ERBB4: variants seen among roughly 807,000 people sequenced by gnomAD.
The protein encoded by ERBB4 is receptor tyrosine-protein kinase erbB-4.
A neutral mutation model predicts 158.0 loss-of-function variants in ERBB4; 42 were observed. The observed-to-expected ratio is 0.27, with a 90% confidence interval of 0.21 to 0.34. ERBB4 has a LOEUF of 0.34. Ranked by LOEUF, ERBB4 falls within the 10% of genes least tolerant of loss-of-function variation. ERBB4 has a pLI of 1.00. For missense variants in ERBB4, 1,333 were observed against 1,624.1 expected, an observed-to-expected ratio of 0.82 and a Z score of 3.08; for synonymous variants, 583 against 558.7, an observed-to-expected ratio of 1.04 and a Z score of -0.61.
intron 20 of ERBB4, among the ~76,000 whole-genome samples, chr2:211,519,917 T>A (rs376506475): frequency 6.6e-6 from 1 of 152,156 alleles, no homozygotes; most frequent in African/African-American, 2.4e-5. Context: ...CTTGCATGTA[T>A]CTCTGAGTTT....
Position 211,702,128 on chromosome 2 carries a change from G to A in ERBB4, c.1328C>T (p.Thr443Ile), listed in dbSNP as rs1418847829. 9.9e-6 allele frequency: 16 copies of A among 1,614,068 alleles called. No individual in the cohort carries two copies. The highest frequency in any genetic ancestry group is 1.4e-5 in the Non-Finnish European group (16 of 1,180,006). ...SLLILKQQGITSLQFQSLKEI... is the reference protein window; with the variant it reads ...SLLILKQQGIISLQFQSLKEI... ...CTTCAGGGACTGGAACTGTAGAGAG[G>A]TGATGCCCTGTTGCTTGAGGATAAG... Residue 443 changes from threonine (T) to isoleucine (I), a missense_variant, in exon 12 of 28, where the codon ACC (threonine) becomes ATC (isoleucine). Thr to Ile is a moderately conservative substitution (Grantham distance 89). Around this residue, in one of 5 missense-constraint regions of ERBB4, gnomAD observed 438 missense variants for 586.9 expected, o/e 0.75. Transcript: ENST00000342788.
chr2:212,536,301 C>A (rs1040599930), intron 1 of ERBB4, among the ~76,000 whole-genome samples: 1 of 150,896 alleles, frequency 6.6e-6, no homozygotes, highest in Admixed American at 6.6e-5. Context: ...CTGCCAGGTG[C>A]GGCAGGGTGG....
intron 2 of ERBB4, among the ~76,000 whole-genome samples, chr2:211,998,079 C>G (rs534294823): frequency 1.3e-5 from 2 of 151,648 alleles, no homozygotes; most frequent in Non-Finnish European, 2.9e-5. Context: ...ATATACCTAA[C>G]GTTAAATGAT....
chr2:212,015,444 A>G (rs2076507350), intron 2 of ERBB4, among the ~76,000 whole-genome samples: 1 of 152,084 alleles, frequency 6.6e-6, no homozygotes, highest in Admixed American at 6.6e-5. Flanking sequence ...AAAGTCTTAG[A>G]CAATGAGGTG....
At chr2:211,412,421 GC>G (rs1194158834) in intron 25 of ERBB4, among the ~76,000 whole-genome samples, 1 of 152,190 alleles carries the variant, frequency 6.6e-6, no homozygotes, top group African/African-American at 2.4e-5. Flanking sequence ...TAGATAATCA[GC>G]CTCCACAAAG....
chr2:211,580,768 GGGTA>G (rs1429660294), intron 19 of ERBB4, among the ~76,000 whole-genome samples: 2 of 126,266 alleles, frequency 1.6e-5, no homozygotes, highest in African/African-American at 6.3e-5. Context: ...ATCAATCAAC[GGGTA>G]GATAAAGAAA....
intron 2 of ERBB4, among the ~76,000 whole-genome samples, chr2:212,066,873 T>C (rs1323638153): frequency 6.6e-6 from 1 of 151,958 alleles, no homozygotes; most frequent in Non-Finnish European, 1.5e-5. Context: ...GTTCATTCCA[T>C]TGGAATGAAT....
intron 1 of ERBB4, among the ~76,000 whole-genome samples, chr2:212,524,958 G>A (rs76966573): frequency 2.6e-5 from 4 of 152,128 alleles, no homozygotes; most frequent in East Asian, 1.9e-4. Context: ...ATTGTGCCAC[G>A]TATTAACTCT....
intron 2 of ERBB4, among the ~76,000 whole-genome samples, chr2:212,008,976 T>C (rs1037221116): frequency 3.3e-5 from 5 of 152,144 alleles, no homozygotes; most frequent in Admixed American, 6.5e-5. Flanking sequence ...ATATTGACCA[T>C]GGCCCTTTTT....
In ERBB4 at chr2:211,788,137, A is replaced by G. The variant is rs774902483; in HGVS notation, c.444T>C (p.Tyr148=). The G allele has an allele frequency of 3.7e-6, 6 of 1,612,690 alleles. No homozygotes were observed. In the East Asian group the frequency reaches 1.3e-4, roughly 36 times the overall value. Residue 148 remains tyrosine (Y), a synonymous_variant, in exon 4 of 28, where the codon TAT becomes TAC. Coordinates refer to ENST00000342788, the MANE Select transcript of ERBB4 (RefSeq NM_005235.3). ...NLTEILNGGV[Y]VDQNKFLCYA... ...AACAAAGGAATTTGTTCTGGTCTACATAGACTCCACCATTTAGGATTTCTG... is the reference window on the plus strand; with the variant it reads ...AACAAAGGAATTTGTTCTGGTCTACGTAGACTCCACCATTTAGGATTTCTG...
intron 3 of ERBB4, among the ~76,000 whole-genome samples, chr2:211,864,301 C>G (rs1221685584): frequency 6.6e-6 from 1 of 152,142 alleles, no homozygotes; most frequent in African/African-American, 2.4e-5. Context: ...GAGCCCATCC[C>G]TTGTCTTTTG....
At chr2:212,142,794 C>G (rs2080529685) in intron 1 of ERBB4, among the ~76,000 whole-genome samples, 1 of 151,794 alleles carries the variant, frequency 6.6e-6, no homozygotes, top group Non-Finnish European at 1.5e-5. Flanking sequence ...AAACTGTCCA[C>G]CTTTATGGAA....
intron 3 of ERBB4, among the ~76,000 whole-genome samples, chr2:211,876,947 C>T (rs1031511865): frequency 1.3e-5 from 2 of 152,038 alleles, no homozygotes; most frequent in African/African-American, 4.8e-5. Context: ...TTCATTGTTC[C>T]CGTTCAAATA....
At chr2:211,499,435 A>G (rs1355158505) in intron 20 of ERBB4, among the ~76,000 whole-genome samples, 3 of 152,026 alleles carry the variant, frequency 2.0e-5, no homozygotes, top group Non-Finnish European at 4.4e-5. Flanking sequence ...AGGCAGGGGA[A>G]TTGTTTGAAC....
chr2:211,418,399 C>T (rs1965121), intron 25 of ERBB4, among the ~76,000 whole-genome samples: 152,287 of 152,290 alleles, frequency 1, 76,142 homozygotes, highest in Non-Finnish European at 1. Flanking sequence ...TAAAATGATA[C>T]AATGATATTT....
chr2:211,478,134 A>G (rs1380132929), intron 20 of ERBB4, among the ~76,000 whole-genome samples: 1 of 152,186 alleles, frequency 6.6e-6, no homozygotes, highest in African/African-American at 2.4e-5. Context: ...CATTAATGGG[A>G]TCACTAAAAC....
intron 1 of ERBB4, among the ~76,000 whole-genome samples, chr2:212,125,443 G>A (rs1195306074): frequency 1.3e-5 from 2 of 151,998 alleles, no homozygotes; most frequent in African/African-American, 4.8e-5. Flanking sequence ...TAAGTTCAGG[G>A]GTACATACGC....
chr2:211,850,026 A>G (rs1301636003), intron 3 of ERBB4, among the ~76,000 whole-genome samples: 1 of 151,940 alleles, frequency 6.6e-6, no homozygotes, highest in Non-Finnish European at 1.5e-5. Context: ...TGCAATTATC[A>G]CACTGATGCT....
At chr2:211,964,971 T>C (rs553912445) in intron 2 of ERBB4, among the ~76,000 whole-genome samples, 2 of 152,294 alleles carry the variant, frequency 1.3e-5, no homozygotes, top group South Asian at 4.1e-4. Context: ...ATTATTTCCA[T>C]GTTACCTTTT....
Sources: allele counts gnomAD v4.1 joint callset (sites outside exome capture counted in the v4.1 genomes callset), GRCh38; gene constraint gnomAD v4.1.1; regional missense constraint gnomAD v4.1.1; transcripts MANE v1.5; gene names NCBI Gene and HGNC (gene_info 2026-07-23, HGNC 2026-07-21).